Variants in CSMD3 observed in about 807,000 individuals in gnomAD.
The protein encoded by CSMD3 is CUB and Sushi multiple domains 3.
A neutral mutation model predicts 435.2 loss-of-function variants in CSMD3; 177 were observed. The observed-to-expected ratio is 0.41, with a 90% CI of 0.36 to 0.46. CSMD3 has a LOEUF of 0.46. CSMD3 is among the 20% of genes least tolerant of loss of function. The pLI, the probability that CSMD3 is intolerant of heterozygous loss-of-function variation, is 0.34. For missense variants in CSMD3, 4,265 were observed against 4,504.6 expected (o/e 0.95, Z 1.52); for synonymous variants, 1,656 against 1,520.5 (o/e 1.09, Z -2.07).
intron 1 of CSMD3, among the ~76,000 whole-genome samples, chr8:113,353,539 C>T (rs957233875): frequency 1.4e-4 from 22 of 152,108 alleles, no homozygotes; most frequent in African/African-American, 4.6e-4. Flanking sequence ...GTTTTAGGTC[C>T]ATCCTCTGCA....
At chr8:112,580,210 T>C (rs1830238940) in intron 23 of CSMD3, among the ~76,000 whole-genome samples, 1 of 151,998 alleles carries the variant, frequency 6.6e-6, no homozygotes, top group African/African-American at 2.4e-5. Context: ...ACCCCTCTTA[T>C]GAATGTTAAT....
intron 40 of CSMD3, among the ~76,000 whole-genome samples, chr8:112,348,065 G>A (rs955542506): frequency 6.6e-6 from 1 of 152,152 alleles, no homozygotes; most frequent in Non-Finnish European, 1.5e-5. Context: ...ACAGAATAGA[G>A]TAAAGAGATA....
At chr8:113,415,100 A>C (rs1374575381) in intron 1 of CSMD3, among the ~76,000 whole-genome samples, 1 of 152,206 alleles carries the variant, frequency 6.6e-6, no homozygotes, top group East Asian at 1.9e-4. Flanking sequence ...GCTATGTTGC[A>C]ATTTGGATCA....
chr8:112,972,753 C>T (rs1054451682), intron 7 of CSMD3, among the ~76,000 whole-genome samples: 1 of 151,720 alleles, frequency 6.6e-6, no homozygotes, highest in African/African-American at 2.4e-5. Flanking sequence ...TAAAAAATAT[C>T]TATTGGTCAG....
At chr8:112,534,501 AG>A (rs1825860701) in intron 27 of CSMD3, among the ~76,000 whole-genome samples, 1 of 152,232 alleles carries the variant, frequency 6.6e-6, no homozygotes, top group Non-Finnish European at 1.5e-5. Flanking sequence ...ATCTCTGAAT[AG>A]ACCAATTACA....
chr8:112,817,335 G>A (rs1399862907), intron 12 of CSMD3, among the ~76,000 whole-genome samples: 2 of 151,990 alleles, frequency 1.3e-5, no homozygotes, highest in Non-Finnish European at 2.9e-5. Flanking sequence ...GTAATCTCAA[G>A]GCCAGTAATT....
intron 12 of CSMD3, among the ~76,000 whole-genome samples, chr8:112,824,819 T>C (rs2079630576): frequency 6.6e-6 from 1 of 152,106 alleles, no homozygotes; most frequent in Non-Finnish European, 1.5e-5. Context: ...TTAGTGGTGT[T>C]CTCTGTATTT....
At chr8:112,800,343 C>T (rs1465375688) in intron 12 of CSMD3, 69 bp from the exon 13 acceptor site, 7 of 1,011,504 alleles carry the variant, frequency 6.9e-6, no homozygotes, top group Non-Finnish European at 1.1e-5. Context: ...AATTATAAGA[C>T]AGATGTGTTT....
chr8:112,984,780 CA>C (rs1287669642), intron 6 of CSMD3, among the ~76,000 whole-genome samples: 1 of 151,866 alleles, frequency 6.6e-6, no homozygotes, highest in East Asian at 1.9e-4. Flanking sequence ...GTATTCATTC[CA>C]AAAAATGCAA....
At chr8:112,332,192 G>A (rs1390134753) in intron 45 of CSMD3, among the ~76,000 whole-genome samples, 1 of 152,028 alleles carries the variant, frequency 6.6e-6, no homozygotes. Context: ...AACTCCTAAG[G>A]CTTATAAAAT....
intron 13 of CSMD3, among the ~76,000 whole-genome samples, chr8:112,730,237 G>C (rs2077047348): frequency 1.3e-5 from 2 of 152,054 alleles, no homozygotes; most frequent in Non-Finnish European, 1.5e-5. Context: ...TATATAGATT[G>C]CATTTCTCAA....
At chr8:113,169,817 G>A (rs2092233867) in intron 4 of CSMD3, among the ~76,000 whole-genome samples, 1 of 152,138 alleles carries the variant, frequency 6.6e-6, no homozygotes, top group South Asian at 2.1e-4. Flanking sequence ...GGATTCTAAA[G>A]CTACATCATG....
intron 9 of CSMD3, among the ~76,000 whole-genome samples, chr8:112,937,453 C>A (rs539389369): frequency 5.8e-4 from 87 of 150,874 alleles, no homozygotes; most frequent in African/African-American, 1.9e-3. Flanking sequence ...TGGGCTCAAG[C>A]GATTATCCTG....
rs1208983988 is a variant in CSMD3, at chr8:113,361,709, A to G, written c.179-46916T>C. On this transcript the variant is annotated intron_variant, in intron 1 of 70. Transcript: ENST00000297405. ...ATCATTGGTCATCGAAAATTTATAC[A>G]TGTGAAATTGTAATTTTTAGGCAAC... 1.3e-4 allele frequency among the ~76,000 whole-genome samples: 5 copies of G among 39,320 alleles called. No individual in the cohort carries two copies. In the East Asian group the frequency reaches 6.6e-3, roughly 52 times the overall value. The allele number at this position is 39,320 out of a possible 152,430, so 25.8% of individuals were successfully genotyped here. A position where few individuals can be genotyped will look rare whatever the true frequency, so the allele number is the denominator to read the frequency against.
At chr8:112,455,860 G>C (rs999424188) in intron 32 of CSMD3, among the ~76,000 whole-genome samples, 2 of 150,806 alleles carry the variant, frequency 1.3e-5, no homozygotes, top group Non-Finnish European at 2.9e-5. Context: ...GATGCAAGCT[G>C]GGATTTAAAA....
chr8:113,332,194 T>C (rs966366869), intron 1 of CSMD3, among the ~76,000 whole-genome samples: 1 of 151,228 alleles, frequency 6.6e-6, no homozygotes, highest in Non-Finnish European at 1.5e-5. Flanking sequence ...CATGCCTTAA[T>C]TAAAAAAATA....
At chr8:112,266,554 A>G (rs1357281199) in intron 59 of CSMD3, among the ~76,000 whole-genome samples, 1 of 152,182 alleles carries the variant, frequency 6.6e-6, no homozygotes, top group Non-Finnish European at 1.5e-5. Flanking sequence ...GCTATCACAG[A>G]GCATTAAACT....
intron 6 of CSMD3, among the ~76,000 whole-genome samples, chr8:112,995,738 G>T (rs2085626796): frequency 6.6e-6 from 1 of 151,404 alleles, no homozygotes; most frequent in African/African-American, 2.4e-5. Flanking sequence ...ATAGTTCCAA[G>T]ACTAAAATTC....
At chr8:113,303,653 C>A (rs1022294345) in intron 2 of CSMD3, among the ~76,000 whole-genome samples, 2 of 136,534 alleles carry the variant, frequency 1.5e-5, no homozygotes, top group Non-Finnish European at 3.1e-5. Context: ...GAAAAACAAG[C>A]AATGGGGAAA....
Sources: gnomAD v4.1 joint callset for allele counts (sites outside exome capture counted in the v4.1 genomes callset) on GRCh38, gnomAD v4.1.1 for gene constraint, MANE v1.5 for transcripts, NCBI Gene and HGNC (gene_info 2026-07-23, HGNC 2026-07-21) for gene names.